Variants in CHODL observed in about 807,000 individuals in gnomAD.
CHODL encodes transmembrane protein MT75.
CHODL carries 29 observed loss-of-function variants against 34.5 expected under a neutral mutation model. That is an observed-to-expected ratio of 0.84 (90% confidence interval 0.63 to 1.15). The LOEUF (loss-of-function observed/expected upper bound fraction) is 1.15. Among genes scored for constraint, CHODL ranks in the 50% most tolerant of loss-of-function variants. The pLI is 0.00. For missense variants in CHODL, 332 were observed against 332.5 expected (o/e 1.00, Z 0.01); for synonymous variants, 125 against 116.1 (o/e 1.08, Z -0.49).
At chr21:18,107,865 G>A (rs2065292849) in intron 2 of CHODL, among the ~76,000 whole-genome samples, 1 of 152,316 alleles carries the variant, frequency 6.6e-6, no homozygotes, top group East Asian at 1.9e-4. Context: ...AAGACTGTTT[G>A]ATTCCCACAT....
intron 1 of CHODL, among the ~76,000 whole-genome samples, chr21:17,934,582 A>C (rs1180457795): frequency 6.6e-6 from 1 of 152,012 alleles, no homozygotes; most frequent in Non-Finnish European, 1.5e-5. Context: ...CTGTGTCTTA[A>C]AGTGTATTAT....
intron 1 of CHODL, among the ~76,000 whole-genome samples, chr21:17,949,647 C>T (rs1231333726): frequency 6.6e-6 from 1 of 152,142 alleles, no homozygotes; most frequent in Non-Finnish European, 1.5e-5. Flanking sequence ...ACTGACCTAT[C>T]TCCTCTGATC....
Position 18,050,267 on chromosome 21 carries a change from G to A in CHODL, c.-45+22296G>A, listed in dbSNP as rs184535319. ...AGGCACAACAGATAAGAAGTCAAAT[G>A]AGATCCTTGAAGGGGGCATCAGGTG... On this transcript the variant is annotated intron_variant, in intron 2 of 6. Coordinates refer to the CHODL transcript ENST00000400127. 3.5e-3 allele frequency among the ~76,000 whole-genome samples: 308 copies of A among 88,564 alleles called. 2 individuals are homozygous for A. Among genetic ancestry groups the A allele is most frequent in the African/African-American group, 0.018 (250 of 13,796 alleles). The allele number at this position is 88,564 out of a possible 152,430, so 58.1% of individuals were successfully genotyped here.
At chr21:18,084,684 AATAC>A (rs2064982365) in intron 2 of CHODL, among the ~76,000 whole-genome samples, 2 of 152,312 alleles carry the variant, frequency 1.3e-5, no homozygotes, top group African/African-American at 4.8e-5. Context: ...TTTATGGCCT[AATAC>A]ATGGTCTATC....
At chr21:18,086,543 T>C (rs1424582863) in intron 2 of CHODL, among the ~76,000 whole-genome samples, 1 of 152,204 alleles carries the variant, frequency 6.6e-6, no homozygotes, top group Non-Finnish European at 1.5e-5. Context: ...GATTCAGTAG[T>C]ATACTTTGGC....
At chr21:18,092,391 C>G (rs536105281) in intron 2 of CHODL, among the ~76,000 whole-genome samples, 2 of 152,286 alleles carry the variant, frequency 1.3e-5, no homozygotes, top group African/African-American at 4.8e-5. Flanking sequence ...TGAAGACTAC[C>G]ATAAATAGCT....
intron 2 of CHODL, among the ~76,000 whole-genome samples, chr21:18,206,863 CATTATTATTATTATTATT>C (rs138294885): frequency 0.044 from 6,413 of 146,062 alleles, 183 homozygotes; most frequent in Non-Finnish European, 0.057. Context: ...TCTTATAACC[CATTATTATTATTATTATT>C]ATTATTATTA....
At chr21:17,939,849 C>T (rs966421063) in intron 1 of CHODL, among the ~76,000 whole-genome samples, 1 of 152,182 alleles carries the variant, frequency 6.6e-6, no homozygotes, top group Non-Finnish European at 1.5e-5. Flanking sequence ...CCGGAACCCA[C>T]TCTTAAGGCA....
Position 18,265,990 on chromosome 21 carries a change from A to G in CHODL, c.774A>G (p.Thr258=). 6.2e-7 allele frequency: 1 copy of G among 1,613,616 alleles called. No homozygotes were observed. Among genetic ancestry groups the G allele is most frequent in the Non-Finnish European group, 8.5e-7 (1 of 1,179,690 alleles). Residue 258 remains threonine, a synonymous_variant, in exon 6 of 6, where the codon ACA becomes ACG. Coordinates refer to ENST00000299295, the MANE Select transcript of CHODL (RefSeq NM_024944.3). ...CAAAAACTAGTCCAAACCAGTCTAC[A>G]CTGTGGATTTCAAAGAGTACCAGAA... ...GRTKTSPNQS[T]LWISKSTRKE... is the part of the protein sequence containing the mutation.
Position 18,266,358 on chromosome 21 carries a change from T to TATTTC in CHODL, c.*321_*325dup. The TATTTC allele has an allele frequency of 1.8e-6, 1 of 559,916 alleles. No homozygotes were observed. Among genetic ancestry groups the TATTTC allele is most frequent in the Non-Finnish European group, 3.0e-6 (1 of 333,742 alleles). The allele number at this position is 559,916 out of a possible 1,614,324, so 34.7% of individuals were successfully genotyped here. ...TATGTGTGTTAGAAGCAATTCCTTTTATTTCTTTCACCTTTCATAAGTTGT... is the reference window on the plus strand; with the variant it reads ...TATGTGTGTTAGAAGCAATTCCTTTTATTTCATTTCTTTCACCTTTCATAAGTTGT... On this transcript the variant is annotated 3_prime_UTR_variant, in exon 6 of 6. Coordinates refer to ENST00000299295, the MANE Select transcript of CHODL (RefSeq NM_024944.3).
chr21:17,982,046 T>G (rs1179658678), intron 1 of CHODL, among the ~76,000 whole-genome samples: 1 of 152,248 alleles, frequency 6.6e-6, no homozygotes, highest in Non-Finnish European at 1.5e-5. Context: ...ATTGTTGGTG[T>G]AAAAGTAGTT....
At chr21:17,977,457 C>T (rs2063672872) in intron 1 of CHODL, among the ~76,000 whole-genome samples, 2 of 150,290 alleles carry the variant, frequency 1.3e-5, no homozygotes, top group Admixed American at 6.6e-5. Context: ...CCTCCGCCTT[C>T]GGAGTTCAAG....
intron 2 of CHODL, among the ~76,000 whole-genome samples, chr21:18,188,740 T>C (rs1221648952): frequency 1.3e-5 from 2 of 152,248 alleles, no homozygotes; most frequent in African/African-American, 4.8e-5. Context: ...TGTTATTGTG[T>C]GTCAACCTAA....
intron 1 of CHODL, among the ~76,000 whole-genome samples, chr21:17,996,066 A>G (rs1247613413): frequency 6.7e-6 from 1 of 148,718 alleles, no homozygotes; most frequent in African/African-American, 2.5e-5. Context: ...GTGACTTTTG[A>G]CTCATCATTT....
intron 2 of CHODL, among the ~76,000 whole-genome samples, chr21:18,158,838 T>TAAAAA (rs11423104): frequency 1.7e-5 from 2 of 121,206 alleles, no homozygotes; most frequent in Non-Finnish European, 3.3e-5. Flanking sequence ...AACTCCGTCT[T>TAAAAA]AAAAAAAAAA....
intron 1 of CHODL, among the ~76,000 whole-genome samples, chr21:17,973,662 C>T (rs1180701432): frequency 5.9e-5 from 9 of 151,740 alleles, no homozygotes; most frequent in African/African-American, 7.2e-5. Context: ...CCTCGTGATC[C>T]GCCCACCTCA....
chr21:18,003,006 C>A (rs1033509281), intron 1 of CHODL, among the ~76,000 whole-genome samples: 1 of 151,998 alleles, frequency 6.6e-6, no homozygotes, highest in African/African-American at 2.4e-5. Flanking sequence ...GCCTGTAGTC[C>A]CAGCTACTCG....
At chr21:18,181,471 CG>C (rs1568926095) in intron 2 of CHODL, among the ~76,000 whole-genome samples, 1 of 152,170 alleles carries the variant, frequency 6.6e-6, no homozygotes, top group Non-Finnish European at 1.5e-5. Flanking sequence ...GGCGGGATCT[CG>C]GCTCACTGCA....
At chr21:18,173,788 C>G (rs190825064) in intron 2 of CHODL, among the ~76,000 whole-genome samples, 19 of 151,768 alleles carry the variant, frequency 1.3e-4, no homozygotes, top group Non-Finnish European at 5.9e-5. Context: ...GGGTTATTTT[C>G]TCAGAGTGTT....
Sources: allele counts gnomAD v4.1 joint callset (sites outside exome capture counted in the v4.1 genomes callset), GRCh38; gene constraint gnomAD v4.1.1; transcripts MANE v1.5; gene names NCBI Gene and HGNC (gene_info 2026-07-23, HGNC 2026-07-21).